Variants in ARHGEF10L observed in about 807,000 individuals in gnomAD.
ARHGEF10L encodes Rho guanine nucleotide exchange factor 10 like.
Under a neutral mutation model 141.2 loss-of-function variants are expected in ARHGEF10L, and 69 were observed. The ratio of observed to expected loss-of-function variants is 0.49; its 90% CI spans 0.40 to 0.60. The LOEUF is 0.60. Among genes scored for constraint, ARHGEF10L ranks in the 20% least tolerant of loss-of-function variants. The probability of loss-of-function intolerance (pLI) is 0.00; values close to 1 mark genes in which losing one functional copy is unlikely to be tolerated. For synonymous variants in ARHGEF10L, 711 were observed against 718.5 expected (o/e 0.99, Z 0.17); for missense variants, 1,482 against 1,734.3 (o/e 0.85, Z 2.58).
intron 27 of ARHGEF10L, chr1:17,689,707 C>T (rs1397363436): frequency 4.5e-6 from 2 of 448,660 alleles, no homozygotes; most frequent in East Asian, 7.1e-5. Flanking sequence ...GTCTCTGTAT[C>T]ACAAAACTAT....
chr1:17,595,180 T>C (rs2079954056), intron 4 of ARHGEF10L, among the ~76,000 whole-genome samples: 1 of 151,962 alleles, frequency 6.6e-6, no homozygotes. Context: ...ATTGTTTTTA[T>C]AGAACTGTGG....
Position 17,656,604 on chromosome 1 carries a change from G to A in ARHGEF10L, c.2756G>A (p.Cys919Tyr). ...ACTGGCACCCAGTGCCTGGTGAGCTGCAGGAGCCCAGGTCTGCAGCCTGTG... is the reference window on the plus strand; with the variant it reads ...ACTGGCACCCAGTGCCTGGTGAGCTACAGGAGCCCAGGTCTGCAGCCTGTG... The part of the protein sequence containing the change: ...VDTGTQCLVS[C>Y]RSPGLQPVLC... The change falls in exon 25 of 29, where the codon TGC becomes TAC. Residue 919 changes from cysteine to tyrosine, a missense_variant. Transcript: ENST00000361221. The surrounding 1 kb of genome is among the most constrained non-coding windows in gnomAD (Gnocchi z 4.9). 1 of 1,613,188 alleles carries A rather than the reference G, an allele frequency of 6.2e-7. No individual in the cohort carries two copies. The highest frequency in any genetic ancestry group is 8.5e-7 in the Non-Finnish European group (1 of 1,179,904).
chr1:17,649,590 C>T (rs903541209), intron 22 of ARHGEF10L, among the ~76,000 whole-genome samples: 1 of 152,204 alleles, frequency 6.6e-6, no homozygotes, highest in Non-Finnish European at 1.5e-5. Context: ...GTGTGCTAGA[C>T]CCTGGGAATA....
chr1:17,618,792 T>C (rs2059948886), intron 9 of ARHGEF10L, among the ~76,000 whole-genome samples: 1 of 152,224 alleles, frequency 6.6e-6, no homozygotes. Flanking sequence ...GTCCTCCGTC[T>C]GAGGTCCAGC....
In ARHGEF10L at chr1:17,580,683, C is replaced by T. The variant is rs373677120; in HGVS notation, c.37+51C>T. Reference sequence around the variant, plus strand: ...CTCTCATCCTTTCTTAGAAGGGGGCCGCTGGGGGCCGGCGGAGGGCCTTGC... The same window carrying T: ...CTCTCATCCTTTCTTAGAAGGGGGCTGCTGGGGGCCGGCGGAGGGCCTTGC... On this transcript the variant is annotated intron_variant, in intron 2 of 28. Coordinates refer to ENST00000361221, the MANE Select transcript of ARHGEF10L (RefSeq NM_018125.4). 6.0e-4 allele frequency: 973 copies of T among 1,610,608 alleles called. 2 individuals carry two copies. The highest frequency in any genetic ancestry group is 7.5e-4 in the Non-Finnish European group (889 of 1,177,588).
intron 11 of ARHGEF10L, 128 bp from the exon 12 acceptor site, chr1:17,622,868 G>C (rs2060179795): frequency 1.1e-6 from 1 of 946,296 alleles, no homozygotes; most frequent in African/African-American, 1.7e-5. Flanking sequence ...CGCATGAGGA[G>C]TGAGGGATGA....
chr1:17,654,571 T>A lies in ARHGEF10L; in HGVS notation c.2395-65T>A. 1 of 1,429,556 alleles carries A rather than the reference T, an allele frequency of 7.0e-7. No individual in the cohort carries two copies. Among genetic ancestry groups the A allele is most frequent in the Non-Finnish European group, 9.9e-7 (1 of 1,012,104 alleles). The allele number at this position is 1,429,556 out of a possible 1,614,324, so 88.6% of individuals were successfully genotyped here. A position where few individuals can be genotyped will look rare whatever the true frequency, so the allele number is the denominator to read the frequency against. On this transcript the variant is annotated intron_variant, in intron 22 of 28. Coordinates refer to ENST00000361221, the MANE Select transcript of ARHGEF10L (RefSeq NM_018125.4). The surrounding 1 kb of genome is among the most constrained non-coding windows in gnomAD (Gnocchi z 4.3). ...GAGAGTTGGATGGGGCCCAGGAATC[T>A]GCCAAATATTGGCATCTGGGCACCT...
At chr1:17,539,011 G>A (rs558002427), upstream of ARHGEF10L, among the ~76,000 whole-genome samples, 2 of 152,354 alleles carry the variant, frequency 1.3e-5, no homozygotes, top group Admixed American at 6.5e-5. This position sits in a 1 kb window ranked among gnomAD's most constrained non-coding sequence, Gnocchi z 6.0. Flanking sequence ...GCAAAGGCAG[G>A]GGAATGCTAG....
intron 21 of ARHGEF10L, among the ~76,000 whole-genome samples, chr1:17,640,504 C>T (rs1309927122): frequency 1.3e-5 from 2 of 152,152 alleles, no homozygotes; most frequent in Non-Finnish European, 2.9e-5. Flanking sequence ...GTCACTTCCC[C>T]TCTCTGAGCC....
At chr1:17,646,851 G>A (rs1487050567) in intron 21 of ARHGEF10L, among the ~76,000 whole-genome samples, 1 of 151,984 alleles carries the variant, frequency 6.6e-6, no homozygotes, top group Non-Finnish European at 1.5e-5. Context: ...GTGGCCGAGG[G>A]AGGAGGCTGG....
chr1:17,661,288 G>A (rs1247486103), intron 25 of ARHGEF10L, among the ~76,000 whole-genome samples: 1 of 152,250 alleles, frequency 6.6e-6, no homozygotes, highest in Non-Finnish European at 1.5e-5. Flanking sequence ...ATGTTGGCTA[G>A]GCTGGTCTCG....
chr1:17,618,747 C>T (rs1033988782), intron 9 of ARHGEF10L, among the ~76,000 whole-genome samples: 3 of 152,204 alleles, frequency 2.0e-5, no homozygotes, highest in African/African-American at 4.8e-5. Context: ...CCTCCTCCCA[C>T]TCTCAGAGGC....
intron 1 of ARHGEF10L, among the ~76,000 whole-genome samples, chr1:17,547,116 G>A (rs2076946036): frequency 6.6e-6 from 1 of 152,214 alleles, no homozygotes. Flanking sequence ...GTGCCCATAT[G>A]CTATGGAAAA....
At chr1:17,587,074 A>T (rs1378754122) in intron 2 of ARHGEF10L, among the ~76,000 whole-genome samples, 2 of 152,256 alleles carry the variant, frequency 1.3e-5, no homozygotes, top group African/African-American at 4.8e-5. Context: ...CACACAAAGC[A>T]CACAGACACA....
chr1:17,646,403 C>G (rs1327400540), intron 21 of ARHGEF10L, among the ~76,000 whole-genome samples: 1 of 152,210 alleles, frequency 6.6e-6, no homozygotes, highest in Non-Finnish European at 1.5e-5. Context: ...AAATGAGGCT[C>G]TGAGAAAAGA....
chr1:17,535,778 T>A (rs753958810), upstream of ARHGEF10L, among the ~76,000 whole-genome samples: 67 of 152,242 alleles, frequency 4.4e-4, no homozygotes, highest in Non-Finnish European at 9.1e-4. Flanking sequence ...AAATCCTTTT[T>A]GTTCCTTTTG....
Position 17,539,914 on chromosome 1 carries a change from G to C in ARHGEF10L, c.-80G>C, listed in dbSNP as rs1036360742. 1.3e-5 allele frequency: 2 copies of C among 151,232 alleles called. No homozygotes were observed. The highest frequency in any genetic ancestry group is 6.6e-5 in the Admixed American group (1 of 15,204). 9.4% of individuals were successfully genotyped at this position (151,232 alleles called of 1,614,324 possible). On this transcript the variant is annotated 5_prime_UTR_variant, in exon 1 of 29. Coordinates refer to ENST00000361221, the MANE Select transcript of ARHGEF10L (RefSeq NM_018125.4). This position sits in a 1 kb window ranked among gnomAD's most constrained non-coding sequence, Gnocchi z 6.0. ...CCGGCCGCCAGGCGCCTTTGTGAGC[G>C]GCGCGGACGACAAAGGCGCGGGCCC...
intron 22 of ARHGEF10L, among the ~76,000 whole-genome samples, chr1:17,649,827 C>A (rs2061810839): frequency 6.6e-6 from 1 of 152,102 alleles, no homozygotes; most frequent in South Asian, 2.1e-4. Flanking sequence ...GGATTCAGCC[C>A]AGGGATGGGA....
intron 15 of ARHGEF10L, among the ~76,000 whole-genome samples, chr1:17,631,901 A>C (rs1410083744): frequency 6.6e-6 from 1 of 152,204 alleles, no homozygotes; most frequent in Non-Finnish European, 1.5e-5. Flanking sequence ...GAGTAAACTA[A>C]GGCTTGGACA....
Sources: gnomAD v4.1 joint callset for allele counts (sites outside exome capture counted in the v4.1 genomes callset) on GRCh38, gnomAD v4.1.1 for gene constraint, Gnocchi (gnomAD v3.1) non-coding constraint, MANE v1.5 for transcripts, NCBI Gene and HGNC (gene_info 2026-07-23, HGNC 2026-07-21) for gene names.